Variants in EHBP1 observed in about 807,000 individuals in gnomAD.
EHBP1 encodes EH domain-binding protein 1.
In EHBP1, 55 loss-of-function variants were observed where a neutral mutation model predicts 144.0. That is an observed-to-expected ratio of 0.38 (90% CI 0.31 to 0.48). The LOEUF is 0.48. Ranked by LOEUF, EHBP1 falls within the 20% of genes least tolerant of loss-of-function variation. The pLI is 0.98. For missense variants in EHBP1, 1,200 were observed against 1,364.2 expected (o/e 0.88, Z 1.90); for synonymous variants, 469 against 472.7 (o/e 0.99, Z 0.10).
At chr2:62,889,807 T>A (rs186262411) in intron 10 of EHBP1, among the ~76,000 whole-genome samples, 108 of 152,244 alleles carry the variant, frequency 7.1e-4, no homozygotes, top group East Asian at 3.5e-3. Context: ...CTGTTTTTTT[T>A]ATGTCCATTT....
At chr2:62,675,877 C>G (rs2033269264) in intron 1 of EHBP1, among the ~76,000 whole-genome samples, 1 of 152,148 alleles carries the variant, frequency 6.6e-6, no homozygotes, top group South Asian at 2.1e-4. Context: ...TTAAGCTTCC[C>G]AAGTATCTGG....
intron 4 of EHBP1, among the ~76,000 whole-genome samples, chr2:62,769,757 A>G (rs1259942903): frequency 1.3e-5 from 2 of 151,174 alleles, no homozygotes; most frequent in African/African-American, 4.9e-5. Flanking sequence ...TCCAAGCTAT[A>G]CTGCAGGGCT....
intron 15 of EHBP1, among the ~76,000 whole-genome samples, chr2:62,990,510 G>A (rs1002136571): frequency 1.3e-5 from 2 of 152,054 alleles, no homozygotes; most frequent in African/African-American, 4.8e-5. Context: ...GTTCTCTTTA[G>A]ATATGTTGAC....
At chr2:62,729,357 AAATAT>A (rs1192484588) in intron 2 of EHBP1, among the ~76,000 whole-genome samples, 50 of 127,988 alleles carry the variant, frequency 3.9e-4, no homozygotes, top group Middle Eastern at 4.4e-3. Flanking sequence ...ATATAATAAT[AAATAT>A]AATATAATAT....
chr2:62,847,559 G>A (rs924514714), intron 7 of EHBP1, among the ~76,000 whole-genome samples: 1 of 152,116 alleles, frequency 6.6e-6, no homozygotes, highest in Admixed American at 6.6e-5. Context: ...AAAAAGCTAG[G>A]CATAGTGGCA....
intron 10 of EHBP1, among the ~76,000 whole-genome samples, chr2:62,898,052 C>T (rs1042485520): frequency 3.3e-5 from 5 of 152,060 alleles, no homozygotes; most frequent in East Asian, 1.9e-4. Context: ...ACAAAAAAGG[C>T]GGTGAGCGGA....
At chr2:62,931,405 A>G (rs1027223987) in intron 10 of EHBP1, among the ~76,000 whole-genome samples, 8 of 152,242 alleles carry the variant, frequency 5.3e-5, no homozygotes, top group African/African-American at 1.7e-4. Flanking sequence ...GTGAGGATGT[A>G]GAAGAATTAG....
At chr2:62,938,263 T>C (rs951988415) in intron 10 of EHBP1, among the ~76,000 whole-genome samples, 5 of 152,218 alleles carry the variant, frequency 3.3e-5, no homozygotes, top group African/African-American at 7.2e-5. Flanking sequence ...TATAAATATT[T>C]GGGAATCATC....
At chr2:62,680,405 T>C (rs2033470806) in intron 1 of EHBP1, among the ~76,000 whole-genome samples, 1 of 152,246 alleles carries the variant, frequency 6.6e-6, no homozygotes, top group South Asian at 2.1e-4. Flanking sequence ...TAATTTTCTT[T>C]TTAATCATTA....
intron 8 of EHBP1, among the ~76,000 whole-genome samples, chr2:62,863,837 G>GTTTTTTTTTTTTTTT (rs1354945636): frequency 2.7e-5 from 2 of 74,576 alleles, no homozygotes; most frequent in African/African-American, 9.8e-5. Flanking sequence ...ATTTTTCTGT[G>GTTTTTTTTTTTTTTT]TTGTTTTTTT....
chr2:62,965,889 T>A (rs1180071308), intron 14 of EHBP1, among the ~76,000 whole-genome samples: 1 of 152,212 alleles, frequency 6.6e-6, no homozygotes, highest in Admixed American at 6.6e-5. Context: ...CTGGCTCTCT[T>A]TCCCTATTTC....
chr2:62,957,441 A>G (rs1325022792), intron 14 of EHBP1, among the ~76,000 whole-genome samples: 1 of 152,132 alleles, frequency 6.6e-6, no homozygotes, highest in Non-Finnish European at 1.5e-5. Context: ...GTGACAGATT[A>G]AAAGACAGGA....
intron 2 of EHBP1, chr2:62,726,867 A>AT (rs982022610): frequency 4.3e-4 from 62 of 144,820 alleles, no homozygotes; most frequent in Non-Finnish European, 4.9e-4. Context: ...TGTGAGAACT[A>AT]TTTTTTTTTT....
chr2:62,760,344 A>G (rs1367407305), intron 3 of EHBP1, among the ~76,000 whole-genome samples: 1 of 152,216 alleles, frequency 6.6e-6, no homozygotes. Context: ...GGAATATCAA[A>G]AAGCCAGAAC....
chr2:62,824,355 T>C (rs2046194611), intron 5 of EHBP1, among the ~76,000 whole-genome samples: 1 of 151,982 alleles, frequency 6.6e-6, no homozygotes, highest in Admixed American at 6.6e-5. Context: ...AGGCTTTAAA[T>C]CCTATATTAT....
At chr2:62,753,446 A>G (rs899437044) in intron 3 of EHBP1, among the ~76,000 whole-genome samples, 4 of 151,254 alleles carry the variant, frequency 2.6e-5, no homozygotes, top group Non-Finnish European at 5.9e-5. Flanking sequence ...TTTTTCCTTT[A>G]TTTCAACTTT....
intron 13 of EHBP1, among the ~76,000 whole-genome samples, chr2:62,953,216 T>C (rs2057490283): frequency 4.9e-5 from 1 of 20,592 alleles, no homozygotes; most frequent in Admixed American, 7.8e-4. Flanking sequence ...AAAGTCCGTC[T>C]CAAAAAAAAA....
At chr2:62,684,800 G>A (rs2033662562) in intron 1 of EHBP1, among the ~76,000 whole-genome samples, 1 of 152,330 alleles carries the variant, frequency 6.6e-6, no homozygotes, top group South Asian at 2.1e-4. Context: ...GAGACAGGGA[G>A]GGAGGGAGAG....
intron 14 of EHBP1, 193 bp downstream of exon 14, chr2:62,955,853 T>G (rs181452911): frequency 2.9e-5 from 13 of 455,002 alleles, no homozygotes; most frequent in African/African-American, 2.6e-4. Flanking sequence ...TACAGAGCAG[T>G]GTTAGTGATG....
Sources: gnomAD v4.1 joint callset for allele counts (sites outside exome capture counted in the v4.1 genomes callset) on GRCh38, gnomAD v4.1.1 for gene constraint, MANE v1.5 for transcripts, NCBI Gene and HGNC (gene_info 2026-07-23, HGNC 2026-07-21) for gene names.